PDE2A: variants seen among roughly 807,000 people sequenced by gnomAD.
PDE2A encodes phosphodiesterase 2A.
A neutral mutation model predicts 133.6 loss-of-function variants in PDE2A; 53 were observed. That is an observed-to-expected ratio of 0.40 (90% CI 0.32 to 0.50). The LOEUF (loss-of-function observed/expected upper bound fraction) is 0.50, where lower values mean the gene tolerates loss of function less well. PDE2A is among the 20% of genes least tolerant of loss of function. The probability of loss-of-function intolerance (pLI) is 0.73; values close to 1 mark genes in which losing one functional copy is unlikely to be tolerated. For synonymous variants in PDE2A, 491 were observed against 490.2 expected (o/e 1.00, Z -0.02); for missense variants, 796 against 1,232.4 (o/e 0.65, Z 5.30).
intron 1 of PDE2A, 104 bp from the exon 2 acceptor site, chr11:72,642,430 T>A: frequency 8.2e-7 from 1 of 1,215,086 alleles, no homozygotes; most frequent in Non-Finnish European, 1.0e-6. Flanking sequence ...GGTCAGCGCG[T>A]CCGCGACAGC....
At chr11:72,604,421 G>A (rs1194843496) in intron 4 of PDE2A, among the ~76,000 whole-genome samples, 1 of 152,154 alleles carries the variant, frequency 6.6e-6, no homozygotes, top group African/African-American at 2.4e-5. Context: ...GGGGCCAAGT[G>A]CCCTGATCCC....
In PDE2A at chr11:72,583,482, A is replaced by G; in HGVS notation, c.1684T>C (p.Tyr562His). Residue 562 changes from tyrosine to histidine, a missense_variant, in exon 20 of 31, where the codon TAT becomes CAT. Transcript: ENST00000334456. ...LLYKKVNEAQ[Y>H]RSHLANEMMM... The stretch of plus-strand genomic sequence containing the variant: ...ATCTCATTGGCCAGGTGGCTGCGAT[A>G]CTGAGCCTCATTCACTTTTTTGTAT... The G allele has an allele frequency of 6.2e-7, 1 of 1,612,822 alleles. No individual in the cohort carries two copies. Among genetic ancestry groups the G allele is most frequent in the Non-Finnish European group, 8.5e-7 (1 of 1,178,800 alleles).
intron 1 of PDE2A, among the ~76,000 whole-genome samples, chr11:72,646,468 T>C (rs1031636288): frequency 1.3e-5 from 2 of 152,182 alleles, no homozygotes; most frequent in East Asian, 3.9e-4. Flanking sequence ...CTGGTTACTA[T>C]AGGAATGTGA....
intron 1 of PDE2A, among the ~76,000 whole-genome samples, chr11:72,670,603 C>A (rs537655766): frequency 1.5e-5 from 2 of 135,628 alleles, no homozygotes; most frequent in South Asian, 2.5e-4. Flanking sequence ...GCTTCTTTAT[C>A]ATTATTTTTG....
intron 6 of PDE2A, 74 bp downstream of exon 6, chr11:72,596,519 C>CA: frequency 1.4e-6 from 1 of 717,546 alleles, no homozygotes; most frequent in Non-Finnish European, 2.2e-6. Flanking sequence ...CACACACACC[C>CA]TGGACAGGCT....
At chr11:72,579,905 G>A in intron 25 of PDE2A, 1 of 406,756 alleles carries the variant, frequency 2.5e-6, no homozygotes, top group Non-Finnish European at 4.4e-6. Flanking sequence ...ATGATCCTTT[G>A]GAGTCCTAGA....
chr11:72,655,033 G>C (rs560865453), intron 1 of PDE2A, among the ~76,000 whole-genome samples: 1 of 152,324 alleles, frequency 6.6e-6, no homozygotes, highest in East Asian at 1.9e-4. Context: ...CCAGGTTGGG[G>C]ACAGTGGGGG....
chr11:72,585,463 G>A (rs767054528), intron 15 of PDE2A, 29 bp from the exon 16 acceptor site: 8 of 1,612,690 alleles, frequency 5.0e-6, no homozygotes, highest in Non-Finnish European at 6.8e-6. Flanking sequence ...CAGGCAGGGT[G>A]AGACCAGGCT....
At chr11:72,632,038 G>A (rs1489218541) in intron 2 of PDE2A, among the ~76,000 whole-genome samples, 1 of 152,212 alleles carries the variant, frequency 6.6e-6, no homozygotes, top group Non-Finnish European at 1.5e-5. Flanking sequence ...GGGACTGGGA[G>A]GGGGAGGGGG....
intron 1 of PDE2A, among the ~76,000 whole-genome samples, chr11:72,657,232 T>A (rs375271153): frequency 6.6e-5 from 10 of 151,378 alleles, no homozygotes; most frequent in African/African-American, 2.4e-4. Context: ...CTCACTCAGC[T>A]CCCCGGGGTG....
intron 1 of PDE2A, among the ~76,000 whole-genome samples, chr11:72,669,980 G>A (rs1236793665): frequency 6.6e-6 from 1 of 152,178 alleles, no homozygotes; most frequent in African/African-American, 2.4e-5. Context: ...ACGGAAGAAA[G>A]TGCTTCCTAC....
chr11:72,591,386 T>G, intron 6 of PDE2A, 30 bp from the exon 7 acceptor site: 1 of 1,585,828 alleles, frequency 6.3e-7, no homozygotes, highest in East Asian at 2.2e-5. Flanking sequence ...GAACTAGCTG[T>G]GACCTCTCTC....
At chr11:72,615,770 T>G (rs942979334) in intron 2 of PDE2A, among the ~76,000 whole-genome samples, 1 of 152,220 alleles carries the variant, frequency 6.6e-6, no homozygotes, top group Admixed American at 6.5e-5. Flanking sequence ...ATCCTTGTCC[T>G]CTGGCCTGGG....
In PDE2A at chr11:72,597,634, T is replaced by C; in HGVS notation, c.324-15A>G. The C allele has an allele frequency of 6.4e-7, 1 of 1,564,294 alleles. No homozygotes were observed. The highest frequency in any genetic ancestry group is 8.8e-7 in the Non-Finnish European group (1 of 1,137,000). ...TGATAGCCTCCCTGAAAAGAGGACA[T>C]GATGCCACCTTGAGAGCCCCCGACT... On this transcript the variant is annotated splice_polypyrimidine_tract_variant and intron_variant, in intron 4 of 30. Coordinates refer to ENST00000334456, the MANE Select transcript of PDE2A (RefSeq NM_002599.5). This position sits in a 1 kb window ranked among gnomAD's most constrained non-coding sequence, Gnocchi z 4.6.
At chr11:72,620,199 A>G (rs1043379693) in intron 2 of PDE2A, among the ~76,000 whole-genome samples, 17 of 152,280 alleles carry the variant, frequency 1.1e-4, no homozygotes, top group African/African-American at 3.6e-4. Flanking sequence ...CTGGAACTAG[A>G]GGGTCTCTGA....
chr11:72,671,402 G>C (rs1056271400), intron 1 of PDE2A, among the ~76,000 whole-genome samples: 27 of 152,336 alleles, frequency 1.8e-4, no homozygotes, highest in African/African-American at 6.3e-4. Context: ...GGGGAGCGCA[G>C]GCCTGGCCTG....
At chr11:72,633,513 T>G in intron 2 of PDE2A, among the ~76,000 whole-genome samples, 1 of 151,760 alleles carries the variant, frequency 6.6e-6, no homozygotes, top group African/African-American at 2.4e-5. Flanking sequence ...CTGGAGGAGG[T>G]GTGTGAGGCC....
intron 1 of PDE2A, among the ~76,000 whole-genome samples, chr11:72,662,217 G>C (rs1855088239): frequency 6.6e-6 from 1 of 152,208 alleles, no homozygotes; most frequent in Admixed American, 6.5e-5. Flanking sequence ...CAAGCACTTA[G>C]AGTGGGGCAG....
At chr11:72,643,072 G>C (rs1465444645) in intron 1 of PDE2A, 1 of 153,430 alleles carries the variant, frequency 6.5e-6, no homozygotes, top group Non-Finnish European at 1.5e-5. Flanking sequence ...CCCCGGAGCC[G>C]GAGAGGGTGC....
Sources: gnomAD v4.1 joint callset for allele counts (sites outside exome capture counted in the v4.1 genomes callset) on GRCh38, gnomAD v4.1.1 for gene constraint, Gnocchi (gnomAD v3.1) non-coding constraint, MANE v1.5 for transcripts, NCBI Gene and HGNC (gene_info 2026-07-23, HGNC 2026-07-21) for gene names.